PECAM1: variants seen among roughly 807,000 people sequenced by gnomAD.
The protein encoded by PECAM1 is platelet and endothelial cell adhesion molecule 1.
Under a neutral mutation model 13.8 loss-of-function variants are expected in PECAM1, and 8 were observed. The ratio of observed to expected loss-of-function variants is 0.58; its 90% confidence interval spans 0.34 to 1.05. The LOEUF (loss-of-function observed/expected upper bound fraction) is 1.05, where lower values mean the gene tolerates loss of function less well. Among genes scored for constraint, PECAM1 ranks in the 50% least tolerant of loss-of-function variants. PECAM1 has a pLI of 0.03. For missense variants in PECAM1, 304 were observed against 141.2 expected, an observed-to-expected ratio of 2.15 and a Z score of -5.84; for synonymous variants, 136 against 52.6, an observed-to-expected ratio of 2.58 and a Z score of -6.86.
In PECAM1 at chr17:64,320,817, C is replaced by T. The variant is rs1555644312; in HGVS notation, c.*2999G>A. 1 of 152,204 alleles carries T rather than the reference C, an allele frequency of 6.6e-6. No individual in the cohort carries two copies. Among genetic ancestry groups the T allele is most frequent in the African/African-American group, 2.4e-5 (1 of 41,420 alleles). 9.4% of individuals were successfully genotyped at this position (152,204 alleles called of 1,614,324 possible). A position where few individuals can be genotyped will look rare whatever the true frequency, so the allele number is the denominator to read the frequency against. ...ATGCTTCTGTGCAGAGTTTCTCAAC[C>T]TGGCCATTATTGGCATTTGGGACTT... is the stretch of plus-strand genomic sequence containing the variant. On this transcript the variant is annotated 3_prime_UTR_variant, in exon 16 of 16. Transcript: ENST00000563924.
chr17:64,341,765 G>T (rs1011829150), intron 13 of PECAM1, 75 bp from the exon 14 acceptor site: 4 of 411,686 alleles, frequency 9.7e-6, no homozygotes, highest in Non-Finnish European at 1.8e-5. Context: ...ATAGGAAAAG[G>T]TCTGAGGCTC....
intron 15 of PECAM1, among the ~76,000 whole-genome samples, chr17:64,326,693 C>T (rs2034967990): frequency 6.6e-6 from 1 of 152,200 alleles, no homozygotes; most frequent in Non-Finnish European, 1.5e-5. Flanking sequence ...AAGCCACAGA[C>T]AGGAAGGGCT....
chr17:64,376,637 G>A (rs1194213973), intron 3 of PECAM1, among the ~76,000 whole-genome samples: 1 of 152,148 alleles, frequency 6.6e-6, no homozygotes, highest in Non-Finnish European at 1.5e-5. Flanking sequence ...CTATCCAGAA[G>A]AGCAGACAGA....
At chr17:64,329,430 C>T (rs1188292552) in intron 15 of PECAM1, among the ~76,000 whole-genome samples, 3 of 152,178 alleles carry the variant, frequency 2.0e-5, no homozygotes, top group South Asian at 2.1e-4. Flanking sequence ...TGGCGTTAAA[C>T]GAAATGTGTG....
intron 3 of PECAM1, among the ~76,000 whole-genome samples, chr17:64,376,659 G>A (rs2036366449): frequency 6.6e-6 from 1 of 152,076 alleles, no homozygotes; most frequent in African/African-American, 2.4e-5. Context: ...GTGTAAGAAT[G>A]GATGGCAATA....
intron 2 of PECAM1, among the ~76,000 whole-genome samples, chr17:64,383,736 G>A (rs1268378945): frequency 2.0e-5 from 3 of 152,166 alleles, no homozygotes; most frequent in East Asian, 1.9e-4. Flanking sequence ...TTTGGCTAAT[G>A]CACCAAGCAG....
chr17:64,387,967 C>T (rs1357426764), intron 2 of PECAM1, among the ~76,000 whole-genome samples: 3 of 152,158 alleles, frequency 2.0e-5, no homozygotes, highest in African/African-American at 7.2e-5. Context: ...TGGTTCCAGC[C>T]GCCGCCCTGC....
At chr17:64,348,863 C>T (rs1487545531) in intron 12 of PECAM1, among the ~76,000 whole-genome samples, 10 of 152,190 alleles carry the variant, frequency 6.6e-5, no homozygotes, top group Non-Finnish European at 1.3e-4. Flanking sequence ...GATACAGGGC[C>T]TCGGGGCCCA....
intron 14 of PECAM1, 87 bp from the exon 15 acceptor site, chr17:64,329,809 C>T (rs981189182): frequency 1.2e-4 from 88 of 724,522 alleles, no homozygotes; most frequent in Non-Finnish European, 8.2e-5. Context: ...AGGAGCAGGT[C>T]GAGAAAAGAG....
Position 64,390,502 on chromosome 17 carries a change from C to G in PECAM1, c.78G>C (p.Glu26Asp), listed in dbSNP as rs1466803785. ...CATCAGACTTACAGTTTTCTTGACCCTCAAGGCTTGAACCTGCAAGAAACA... is the reference window on the plus strand; with the variant it reads ...CATCAGACTTACAGTTTTCTTGACCGTCAAGGCTTGAACCTGCAAGAAACA... ...LLTLLLCSSL[E>D]GQENSFTINS... is the part of the protein sequence containing the mutation. Residue 26 changes from glutamate (E) to aspartate (D), a missense_variant, in exon 2 of 16, where the codon GAG becomes GAC. Glu to Asp is a conservative substitution (Grantham distance 45, BLOSUM62 2). Transcript: ENST00000563924. 1.1e-5 allele frequency: 5 copies of G among 474,072 alleles called. No individual in the cohort carries two copies. Among genetic ancestry groups the G allele is most frequent in the Non-Finnish European group, 1.9e-5 (5 of 258,526 alleles). The allele number at this position is 474,072 out of a possible 1,614,324, so 29.4% of individuals were successfully genotyped here.
chr17:64,322,302 C>T lies in PECAM1; in HGVS notation c.*1514G>A. On this transcript the variant is annotated 3_prime_UTR_variant, in exon 16 of 16. Transcript: ENST00000563924. ...TCGGGAGGCTGAGACAGGAGAACTG[C>T]TTGAACCCAGGAGGCGGAGGTTGCA... The T allele has an allele frequency of 1.8e-6, 1 of 547,500 alleles. No homozygotes were observed. Among genetic ancestry groups the T allele is most frequent in the Non-Finnish European group, 2.3e-6 (1 of 429,002 alleles). 33.9% of individuals were successfully genotyped at this position (547,500 alleles called of 1,614,324 possible).
At chr17:64,341,552 C>T (rs1363635905) in intron 14 of PECAM1, 82 bp downstream of exon 14, 5 of 413,574 alleles carry the variant, frequency 1.2e-5, no homozygotes, top group Non-Finnish European at 2.2e-5. Context: ...TTTGCTTCTT[C>T]TTTTCTCTGC....
intron 13 of PECAM1, 99 bp from the exon 14 acceptor site, chr17:64,341,789 G>A (rs1325081813): frequency 7.4e-6 from 3 of 405,970 alleles, no homozygotes; most frequent in Non-Finnish European, 8.9e-6. Context: ...AGGCAAGGCT[G>A]TACCCCACCA....
At chr17:64,330,361 G>A (rs1296094266) in intron 14 of PECAM1, among the ~76,000 whole-genome samples, 2 of 151,954 alleles carry the variant, frequency 1.3e-5, no homozygotes, top group Non-Finnish European at 2.9e-5. Context: ...GTAGTATCAC[G>A]GCTGGGTGTG....
At position 64,351,168 on chromosome 17, in the gene PECAM1, G is replaced by A. The variant is rs953953803; in HGVS notation, c.1991-735C>T. On this transcript the variant is annotated intron_variant, in intron 11 of 15. Coordinates refer to ENST00000563924, the MANE Select transcript of PECAM1 (RefSeq NM_000442.5). The stretch of plus-strand genomic sequence containing the variant: ...GTTGAGATTACAGGCGTGAGCCACC[G>A]CGCCCAGCCTAGAATATAGTTTCTT... 4.3e-3 allele frequency among the ~76,000 whole-genome samples: 651 copies of A among 152,120 alleles called. 2 individuals carry two copies. Among genetic ancestry groups the A allele is most frequent in the African/African-American group, 0.015 (627 of 41,506 alleles).
In PECAM1 at chr17:64,375,251, G is replaced by A; in HGVS notation, c.491C>T (p.Thr164Ile). 2.1e-6 allele frequency: 1 copy of A among 475,310 alleles called. No individual in the cohort carries two copies. The allele number at this position is 475,310 out of a possible 1,614,324, so 29.4% of individuals were successfully genotyped here. ...VPEEKAPIHF[T>I]IEKLELNEKM... ...TTCATTTAGTTCAAGTTTTTCAATT[G>A]TGAAGTGTATTGGGGCCTTTTCCTC... The change falls in exon 4 of 16, where the codon ACA becomes ATA. Residue 164 changes from threonine to isoleucine, a missense_variant. Thr to Ile is a moderately conservative substitution (Grantham distance 89, BLOSUM62 -1). Coordinates refer to ENST00000563924, the MANE Select transcript of PECAM1 (RefSeq NM_000442.5).
At chr17:64,332,225 G>A (rs1442490851) in intron 14 of PECAM1, among the ~76,000 whole-genome samples, 1 of 152,084 alleles carries the variant, frequency 6.6e-6, no homozygotes, top group Non-Finnish European at 1.5e-5. Context: ...TCAGCCCAAC[G>A]CTAATGTTGA....
chr17:64,385,164 G>A (rs961837228), intron 2 of PECAM1, among the ~76,000 whole-genome samples: 16 of 152,222 alleles, frequency 1.1e-4, no homozygotes, highest in Admixed American at 9.8e-4. Flanking sequence ...GGGGCTGTGG[G>A]ACAGCCTAAA....
intron 14 of PECAM1, among the ~76,000 whole-genome samples, chr17:64,341,361 C>T (rs1404971166): frequency 6.6e-6 from 1 of 152,166 alleles, no homozygotes; most frequent in African/African-American, 2.4e-5. Flanking sequence ...TTGGGGAACC[C>T]CAGCCACCAG....
Sources: gnomAD v4.1 joint callset for allele counts (sites outside exome capture counted in the v4.1 genomes callset) on GRCh38, gnomAD v4.1.1 for gene constraint, MANE v1.5 for transcripts, NCBI Gene and HGNC (gene_info 2026-07-23, HGNC 2026-07-21) for gene names.